Variants in PIK3C3 observed in about 807,000 individuals in gnomAD.
PIK3C3 encodes the protein phosphatidylinositol 3-kinase catalytic subunit type 3.
PIK3C3 carries 95 observed loss-of-function variants against 126.1 expected under a neutral mutation model. That is an observed-to-expected ratio of 0.75 (90% CI 0.64 to 0.89). The LOEUF is 0.89. Ranked by LOEUF, PIK3C3 falls within the 40% of genes least tolerant of loss-of-function variation. The probability of loss-of-function intolerance (pLI) is 0.00; values close to 1 mark genes in which losing one functional copy is unlikely to be tolerated. For synonymous variants in PIK3C3, 374 were observed against 360.0 expected (o/e 1.04, Z -0.44); for missense variants, 829 against 1,063.2 (o/e 0.78, Z 3.06).
chr18:42,006,577 C>G (rs1982556032), intron 10 of PIK3C3, among the ~76,000 whole-genome samples: 1 of 152,074 alleles, frequency 6.6e-6, no homozygotes. Flanking sequence ...AACATAAACT[C>G]AGGTGTGATT....
At chr18:42,066,196 C>T (rs1341980922) in intron 23 of PIK3C3, among the ~76,000 whole-genome samples, 2 of 152,142 alleles carry the variant, frequency 1.3e-5, no homozygotes, top group Non-Finnish European at 2.9e-5. Context: ...TTGTTCTTGT[C>T]TTCACTTCTT....
chr18:41,990,615 ATAT>A, intron 6 of PIK3C3, 61 bp downstream of exon 6: 4 of 873,500 alleles, frequency 4.6e-6, no homozygotes, highest in Non-Finnish European at 5.6e-6. Flanking sequence ...CATTAAAAAA[ATAT>A]TGTTGTTCCT....
chr18:42,038,347 CTATT>C (rs1396315685), intron 17 of PIK3C3, among the ~76,000 whole-genome samples: 1 of 151,760 alleles, frequency 6.6e-6, no homozygotes. Context: ...GTTAAATTAA[CTATT>C]TTTTTTTTTG....
intron 24 of PIK3C3, among the ~76,000 whole-genome samples, chr18:42,074,775 C>G (rs1271711581): frequency 1.3e-5 from 2 of 151,872 alleles, no homozygotes; most frequent in Non-Finnish European, 2.9e-5. Context: ...CTTTTTGAAA[C>G]TTCCCTTTTT....
chr18:42,004,978 C>T (rs546248745), intron 10 of PIK3C3, among the ~76,000 whole-genome samples: 72 of 152,334 alleles, frequency 4.7e-4, no homozygotes, highest in African/African-American at 1.6e-3. Flanking sequence ...GCATGGTCAT[C>T]TTCCTCTCCT....
At chr18:42,016,940 C>T (rs1219423606) in intron 12 of PIK3C3, among the ~76,000 whole-genome samples, 2 of 152,050 alleles carry the variant, frequency 1.3e-5, no homozygotes, top group Non-Finnish European at 2.9e-5. Flanking sequence ...TACACTCCCC[C>T]ATCACTCAAA....
intron 10 of PIK3C3, among the ~76,000 whole-genome samples, chr18:42,010,451 T>A (rs973502341): frequency 3.3e-5 from 5 of 152,072 alleles, no homozygotes; most frequent in Admixed American, 2.0e-4. Context: ...CTGCAACCTC[T>A]GCCTCCTGGG....
chr18:42,061,958 G>A (rs1052921778), intron 22 of PIK3C3, among the ~76,000 whole-genome samples: 3 of 151,944 alleles, frequency 2.0e-5, no homozygotes, highest in South Asian at 2.1e-4. Context: ...AATCACCTGG[G>A]GAGCTTGTAG....
chr18:42,050,125 T>G (rs587121), intron 21 of PIK3C3: 1 of 152,504 alleles, frequency 6.6e-6, no homozygotes, highest in Non-Finnish European at 1.5e-5. Flanking sequence ...ATGGTCATTT[T>G]GCCCACACTT....
chr18:42,078,170 G>A (rs1330866446), intron 24 of PIK3C3, among the ~76,000 whole-genome samples: 2 of 151,738 alleles, frequency 1.3e-5, no homozygotes, highest in East Asian at 3.9e-4. Context: ...GAGGTCAGGA[G>A]ATCGAGACCA....
chr18:42,074,073 G>A (rs565785374), intron 24 of PIK3C3, among the ~76,000 whole-genome samples: 3 of 152,090 alleles, frequency 2.0e-5, no homozygotes, highest in African/African-American at 7.2e-5. Context: ...CTTGAAAGTC[G>A]CTCTTTCCTG....
intron 19 of PIK3C3, among the ~76,000 whole-genome samples, chr18:42,042,720 A>G (rs974624761): frequency 3.9e-5 from 6 of 152,238 alleles, no homozygotes; most frequent in Non-Finnish European, 5.9e-5. Context: ...TACCTGGGTC[A>G]TAGATCACAT....
At chr18:42,040,057 CT>C (rs527830102) in intron 18 of PIK3C3, among the ~76,000 whole-genome samples, 21 of 146,106 alleles carry the variant, frequency 1.4e-4, no homozygotes, top group South Asian at 2.2e-4. Context: ...CTTCATCCAA[CT>C]TTTTTTTTTA....
intron 4 of PIK3C3, among the ~76,000 whole-genome samples, chr18:41,987,312 A>G (rs1022972323): frequency 2.0e-5 from 3 of 152,090 alleles, no homozygotes; most frequent in Admixed American, 6.6e-5. Context: ...GAAGTCTTTT[A>G]TCACCGTTGC....
intron 4 of PIK3C3, chr18:41,985,103 GA>G (rs771718285): frequency 1.3e-5 from 2 of 152,146 alleles, no homozygotes; most frequent in African/African-American, 2.4e-5. Flanking sequence ...CAAGGTGTTA[GA>G]AATGTGAGTA....
chr18:41,959,350 TATGTTTGCAAGAATATAAAAACTTCC>T (rs1185258054), intron 2 of PIK3C3, among the ~76,000 whole-genome samples: 1 of 152,188 alleles, frequency 6.6e-6, no homozygotes, highest in Non-Finnish European at 1.5e-5. Context: ...TTTTATATTA[TATGTTTGCAAGAATATAAAAACTTCC>T]ATGTTTGATC....
intron 15 of PIK3C3, among the ~76,000 whole-genome samples, chr18:42,030,346 A>AT (rs372766644): frequency 2.0e-4 from 31 of 152,122 alleles, no homozygotes; most frequent in African/African-American, 6.5e-4. Flanking sequence ...TTCACGTGAC[A>AT]TTTTTTCTGA....
At chr18:42,058,668 C>G (rs1455787625) in intron 22 of PIK3C3, among the ~76,000 whole-genome samples, 1 of 152,062 alleles carries the variant, frequency 6.6e-6, no homozygotes. Flanking sequence ...TTTCTCCGTC[C>G]TTTTTTCTTC....
At chr18:41,998,647 G>A (rs1982140478) in intron 9 of PIK3C3, among the ~76,000 whole-genome samples, 3 of 152,122 alleles carry the variant, frequency 2.0e-5, no homozygotes, top group African/African-American at 7.2e-5. Flanking sequence ...TCAAGTTTTC[G>A]AAAGGTGAGT....
Sources: gnomAD v4.1 joint callset for allele counts (sites outside exome capture counted in the v4.1 genomes callset) on GRCh38, gnomAD v4.1.1 for gene constraint, MANE v1.5 for transcripts, NCBI Gene and HGNC (gene_info 2026-07-23, HGNC 2026-07-21) for gene names.